The following PPM1L variants were observed in gnomAD, a reference collection of about 807,000 sequenced individuals.
The protein encoded by PPM1L is protein phosphatase, Mg2+/Mn2+ dependent 1L, also known as protein phosphatase 1L.
PPM1L carries 13 observed loss-of-function variants against 31.4 expected under a neutral mutation model. The observed-to-expected ratio is 0.41, with a 90% CI of 0.27 to 0.66. The LOEUF is 0.66. Ranked by LOEUF, PPM1L falls within the 30% of genes least tolerant of loss-of-function variation. The pLI is 0.29. For synonymous variants in PPM1L, 184 were observed against 175.4 expected, an observed-to-expected ratio of 1.05 and a Z score of -0.39; for missense variants, 326 against 453.7, an observed-to-expected ratio of 0.72 and a Z score of 2.56.
intron 1 of PPM1L, among the ~76,000 whole-genome samples, chr3:160,945,001 CTATATATAACAT>C (rs1715339470): frequency 2.4e-5 from 1 of 41,182 alleles, no homozygotes; most frequent in African/African-American, 6.7e-5. Context: ...ATATATATAA[CTATATATAACAT>C]ATATATTATA....
intron 2 of PPM1L, among the ~76,000 whole-genome samples, chr3:161,029,510 G>A (rs1576793324): frequency 6.6e-6 from 1 of 152,186 alleles, no homozygotes; most frequent in Non-Finnish European, 1.5e-5. Flanking sequence ...AGAAGAAAGC[G>A]ATATGTAGGC....
chr3:160,854,923 A>G (rs1711636529), intron 1 of PPM1L, among the ~76,000 whole-genome samples: 1 of 151,028 alleles, frequency 6.6e-6, no homozygotes, highest in African/African-American at 2.4e-5. Flanking sequence ...AAACAATCCT[A>G]AGCAAAAAAA....
chr3:161,010,354 G>A (rs1378977477), intron 2 of PPM1L, among the ~76,000 whole-genome samples: 1 of 152,056 alleles, frequency 6.6e-6, no homozygotes, highest in African/African-American at 2.4e-5. Flanking sequence ...TGGCTGCATA[G>A]TATTCCATTT....
chr3:160,963,945 A>C (rs1464182241), intron 2 of PPM1L, among the ~76,000 whole-genome samples: 3 of 152,078 alleles, frequency 2.0e-5, no homozygotes, highest in Non-Finnish European at 2.9e-5. Flanking sequence ...GCCTTCCACC[A>C]GGTTAATACT....
intron 2 of PPM1L, among the ~76,000 whole-genome samples, chr3:160,962,643 A>G (rs1038594153): frequency 1.3e-5 from 2 of 152,078 alleles, no homozygotes; most frequent in Non-Finnish European, 2.9e-5. Flanking sequence ...TAATGGTCAA[A>G]TGTTAATGGT....
intron 2 of PPM1L, among the ~76,000 whole-genome samples, chr3:161,033,492 G>C (rs890899891): frequency 2.0e-5 from 3 of 152,016 alleles, no homozygotes; most frequent in Non-Finnish European, 4.4e-5. Context: ...CCAAAACAGA[G>C]ATATAGACCA....
intron 1 of PPM1L, among the ~76,000 whole-genome samples, chr3:160,792,239 A>C (rs1463427196): frequency 6.6e-6 from 1 of 152,172 alleles, no homozygotes; most frequent in East Asian, 1.9e-4. Flanking sequence ...CTCTTAAATT[A>C]ACTTTTAGTT....
intron 2 of PPM1L, among the ~76,000 whole-genome samples, chr3:160,967,185 G>A (rs559637647): frequency 6.6e-6 from 1 of 152,104 alleles, no homozygotes; most frequent in South Asian, 2.1e-4. Context: ...TGTAAGACAT[G>A]CCTTTGCTCC....
At chr3:160,857,812 C>T (rs1711764144) in intron 1 of PPM1L, among the ~76,000 whole-genome samples, 1 of 152,142 alleles carries the variant, frequency 6.6e-6, no homozygotes, top group Non-Finnish European at 1.5e-5. Flanking sequence ...GCCCACATTC[C>T]CCAGCTAATT....
At chr3:161,003,988 G>A (rs1351959414) in intron 2 of PPM1L, among the ~76,000 whole-genome samples, 6 of 148,540 alleles carry the variant, frequency 4.0e-5, no homozygotes, top group Non-Finnish European at 7.5e-5. Context: ...GTCATAGATA[G>A]CTCTTATTAT....
chr3:160,945,238 T>G (rs1715371796), intron 1 of PPM1L, among the ~76,000 whole-genome samples: 1 of 151,628 alleles, frequency 6.6e-6, no homozygotes, highest in Non-Finnish European at 1.5e-5. Context: ...GGTAACTATC[T>G]TAGGCTTTGC....
chr3:160,910,521 A>AGCCTCAAGTGAACTTCTG (rs1170275644), intron 1 of PPM1L, among the ~76,000 whole-genome samples: 1 of 152,104 alleles, frequency 6.6e-6, no homozygotes, highest in African/African-American at 2.4e-5. Flanking sequence ...CATGTTGACC[A>AGCCTCAAGTGAACTTCTG]GCCTCAAGTG....
intron 2 of PPM1L, among the ~76,000 whole-genome samples, chr3:160,990,333 C>T (rs1259878736): frequency 6.6e-6 from 1 of 152,008 alleles, no homozygotes; most frequent in Non-Finnish European, 1.5e-5. Flanking sequence ...TTTTTACCAT[C>T]CTAAAATGAA....
chr3:160,811,358 C>G (rs1029963487), intron 1 of PPM1L, among the ~76,000 whole-genome samples: 19 of 152,220 alleles, frequency 1.2e-4, no homozygotes, highest in African/African-American at 4.6e-4. Context: ...AATCATTGAG[C>G]CTTGCTTGGA....
chr3:160,873,165 T>C (rs966346593), intron 1 of PPM1L, among the ~76,000 whole-genome samples: 3 of 152,206 alleles, frequency 2.0e-5, no homozygotes, highest in Non-Finnish European at 2.9e-5. Context: ...GCTAACTTCC[T>C]ATTCTCAGTA....
At chr3:161,052,300 CTT>C (rs1309845414) in intron 2 of PPM1L, among the ~76,000 whole-genome samples, 1 of 152,194 alleles carries the variant, frequency 6.6e-6, no homozygotes, top group Non-Finnish European at 1.5e-5. Flanking sequence ...TGGTTTTCCT[CTT>C]TGTCTCCCTT....
chr3:161,006,039 C>T (rs956375717), intron 2 of PPM1L, among the ~76,000 whole-genome samples: 7 of 152,020 alleles, frequency 4.6e-5, no homozygotes, highest in Non-Finnish European at 1.0e-4. Context: ...AACACAGTCT[C>T]AACGAGATAT....
At chr3:160,994,487 T>C (rs529884530) in intron 2 of PPM1L, among the ~76,000 whole-genome samples, 1 of 152,318 alleles carries the variant, frequency 6.6e-6, no homozygotes, top group Admixed American at 6.5e-5. Flanking sequence ...CAGCCTGTGT[T>C]CCATGGGACA....
chr3:161,075,346 A>AT lies in PPM1L; in HGVS notation c.*6194dup, dbSNP rs1246192490. On this transcript the variant is annotated 3_prime_UTR_variant, in exon 4 of 4. Coordinates refer to ENST00000498165, the MANE Select transcript of PPM1L (RefSeq NM_139245.4). ...GCTTATAAGAAATGTGGATTATCAGATTTTTACTATATATAGGTTGTGTTT... is the reference window on the plus strand; with the variant it reads ...GCTTATAAGAAATGTGGATTATCAGATTTTTTACTATATATAGGTTGTGTTT... 2 of 152,172 alleles carry AT rather than the reference A, an allele frequency of 1.3e-5. No individual in the cohort carries two copies. Among genetic ancestry groups the AT allele is most frequent in the Non-Finnish European group, 2.9e-5 (2 of 68,022 alleles). 9.4% of individuals were successfully genotyped at this position (152,172 alleles called of 1,614,324 possible).
Sources: gnomAD v4.1 joint callset for allele counts (sites outside exome capture counted in the v4.1 genomes callset) on GRCh38, gnomAD v4.1.1 for gene constraint, MANE v1.5 for transcripts, NCBI Gene and HGNC (gene_info 2026-07-23, HGNC 2026-07-21) for gene names.